The following NSMCE2 variants were observed in gnomAD, a reference collection of about 807,000 sequenced individuals.
NSMCE2 encodes E3 SUMO-protein ligase NSE2.
Under a neutral mutation model 23.8 loss-of-function variants are expected in NSMCE2, and 24 were observed. The observed-to-expected ratio is 1.01, with a 90% CI of 0.73 to 1.42. The LOEUF (loss-of-function observed/expected upper bound fraction) is 1.42, where lower values mean the gene tolerates loss of function less well. NSMCE2 is among the 40% of genes most tolerant of loss of function. The pLI, the probability that NSMCE2 is intolerant of heterozygous loss-of-function variation, is 0.00. For missense variants in NSMCE2, 284 were observed against 296.5 expected (o/e 0.96, Z 0.31); for synonymous variants, 92 against 94.1 (o/e 0.98, Z 0.13).
intron 5 of NSMCE2, among the ~76,000 whole-genome samples, chr8:125,193,844 A>G (rs1823475203): frequency 6.6e-6 from 1 of 152,220 alleles, no homozygotes. Flanking sequence ...TCTGGTGGAC[A>G]GTGAGAAGCA....
intron 5 of NSMCE2, among the ~76,000 whole-genome samples, chr8:125,209,732 A>G (rs73351205): frequency 0.099 from 15,097 of 152,218 alleles, 965 homozygotes; most frequent in South Asian, 0.17. Context: ...AATACTGTCT[A>G]ACTTAATTGC....
intron 4 of NSMCE2, chr8:125,156,400 C>A (rs1821311299): frequency 6.5e-6 from 1 of 152,988 alleles, no homozygotes; most frequent in Non-Finnish European, 1.5e-5. Context: ...CTCTTTTATG[C>A]TCTTGCATCT....
At chr8:125,137,659 A>C (rs1820140066) in intron 3 of NSMCE2, among the ~76,000 whole-genome samples, 1 of 152,124 alleles carries the variant, frequency 6.6e-6, no homozygotes, top group Non-Finnish European at 1.5e-5. Flanking sequence ...GAATTTGACA[A>C]AGTCTTATGA....
chr8:125,095,422 T>C (rs778677260), intron 1 of NSMCE2, among the ~76,000 whole-genome samples: 2 of 150,934 alleles, frequency 1.3e-5, no homozygotes, highest in Non-Finnish European at 1.5e-5. Context: ...GATGGTCGTC[T>C]CTACTAAAAA....
chr8:125,359,533 A>C (rs1813437589), intron 7 of NSMCE2, among the ~76,000 whole-genome samples: 1 of 151,824 alleles, frequency 6.6e-6, no homozygotes, highest in Non-Finnish European at 1.5e-5. Context: ...GGGTTTCTCC[A>C]TGTTGGCCAG....
intron 3 of NSMCE2, among the ~76,000 whole-genome samples, chr8:125,132,573 A>G (rs1375975149): frequency 6.6e-6 from 1 of 151,650 alleles, no homozygotes; most frequent in Non-Finnish European, 1.5e-5. Context: ...GCTCACTGCA[A>G]CCTCCACCTC....
At chr8:125,317,264 C>T (rs1440084439) in intron 5 of NSMCE2, among the ~76,000 whole-genome samples, 2 of 151,886 alleles carry the variant, frequency 1.3e-5, no homozygotes, top group African/African-American at 4.8e-5. Flanking sequence ...GTGATGCAAT[C>T]ACAGCTCACT....
rs1444772423 is a variant in NSMCE2 at position 125,250,520 on chromosome 8, CCTG to C, written c.418+68267_418+68269del. 5.3e-5 allele frequency among the ~76,000 whole-genome samples: 8 copies of C among 152,232 alleles called. No individual in the cohort carries two copies. The East Asian group carries it at 1.5e-3, about 29-fold the overall frequency. ...GTAAACATTTATTAACTAAAAACAACCTGCTTTTACTTGTTTCACTTATATTCT... is the reference window on the plus strand; with the variant it reads ...GTAAACATTTATTAACTAAAAACAACCTTTTACTTGTTTCACTTATATTCT... On this transcript the variant is annotated intron_variant, in intron 5 of 7. Transcript: ENST00000287437.
intron 5 of NSMCE2, among the ~76,000 whole-genome samples, chr8:125,213,681 C>T (rs112240606): frequency 4.7e-5 from 7 of 150,294 alleles, no homozygotes; most frequent in Non-Finnish European, 1.0e-4. Context: ...CTCTTTCTCT[C>T]TCTCTTTCTT....
intron 3 of NSMCE2, among the ~76,000 whole-genome samples, chr8:125,119,868 T>A (rs979070347): frequency 2.0e-5 from 3 of 150,272 alleles, no homozygotes; most frequent in Admixed American, 6.6e-5. Context: ...ATGAAATTAT[T>A]TGTTATATAT....
intron 5 of NSMCE2, among the ~76,000 whole-genome samples, chr8:125,288,950 A>T (rs1005725900): frequency 4.6e-5 from 7 of 152,032 alleles, no homozygotes; most frequent in African/African-American, 1.7e-4. Context: ...ATGCATTACC[A>T]CCATGCCCAG....
At chr8:125,156,834 T>G (rs1821344627) in intron 4 of NSMCE2, among the ~76,000 whole-genome samples, 1 of 152,210 alleles carries the variant, frequency 6.6e-6, no homozygotes. Flanking sequence ...CTGTGCCTCC[T>G]TGCTGTTCAC....
At chr8:125,129,741 T>A (rs1437325367) in intron 3 of NSMCE2, among the ~76,000 whole-genome samples, 2 of 152,168 alleles carry the variant, frequency 1.3e-5, no homozygotes, top group Non-Finnish European at 2.9e-5. Context: ...ACTTCATCTC[T>A]TTTTGCAGTT....
intron 4 of NSMCE2, among the ~76,000 whole-genome samples, chr8:125,152,658 A>G (rs558086763): frequency 3.9e-5 from 6 of 152,202 alleles, no homozygotes; most frequent in Non-Finnish European, 7.3e-5. Context: ...CACAGTGTAT[A>G]TTACAGATAA....
At chr8:125,235,563 T>G (rs1455604337) in intron 5 of NSMCE2, among the ~76,000 whole-genome samples, 2 of 152,088 alleles carry the variant, frequency 1.3e-5, no homozygotes, top group Admixed American at 1.3e-4. Context: ...GATGTATATA[T>G]AGATACATGG....
At chr8:125,193,294 A>G (rs1823444995) in intron 5 of NSMCE2, among the ~76,000 whole-genome samples, 1 of 152,246 alleles carries the variant, frequency 6.6e-6, no homozygotes, top group Non-Finnish European at 1.5e-5. Context: ...ATAGGACAAA[A>G]TATTCACAAA....
intron 3 of NSMCE2, among the ~76,000 whole-genome samples, chr8:125,122,503 A>G (rs1249967471): frequency 1.3e-5 from 2 of 152,180 alleles, no homozygotes; most frequent in Non-Finnish European, 2.9e-5. Flanking sequence ...TTTAAGTGCC[A>G]TCAACATATG....
intron 5 of NSMCE2, among the ~76,000 whole-genome samples, chr8:125,343,058 A>G (rs1165350016): frequency 6.6e-6 from 1 of 152,178 alleles, no homozygotes; most frequent in African/African-American, 2.4e-5. Flanking sequence ...GATACTCTCT[A>G]TCAAATGCAT....
chr8:125,350,554 C>G (rs1812989467), intron 5 of NSMCE2, among the ~76,000 whole-genome samples: 2 of 152,156 alleles, frequency 1.3e-5, no homozygotes, highest in Admixed American at 1.3e-4. Flanking sequence ...GTTTAATGGA[C>G]TTAACGTTCC....
Sources: gnomAD v4.1 joint callset for allele counts (sites outside exome capture counted in the v4.1 genomes callset) on GRCh38, gnomAD v4.1.1 for gene constraint, MANE v1.5 for transcripts, NCBI Gene and HGNC (gene_info 2026-07-23, HGNC 2026-07-21) for gene names.